CADPS2: variants seen among roughly 807,000 people sequenced by gnomAD.
The protein encoded by CADPS2 is calcium-dependent secretion activator 2.
Under a neutral mutation model 172.5 loss-of-function variants are expected in CADPS2, and 93 were observed. The ratio of observed to expected loss-of-function variants is 0.54; its 90% CI spans 0.46 to 0.64. The LOEUF (loss-of-function observed/expected upper bound fraction) is 0.64, where lower values mean the gene tolerates loss of function less well. Ranked by LOEUF, CADPS2 falls within the 30% of genes least tolerant of loss-of-function variation. The pLI is 0.00. For missense variants in CADPS2, 1,420 were observed against 1,565.9 expected (o/e 0.91, Z 1.57); for synonymous variants, 546 against 555.2 (o/e 0.98, Z 0.23).
intron 28 of CADPS2, 100 bp downstream of exon 28, chr7:122,345,473 CA>C: frequency 1.4e-6 from 1 of 707,016 alleles, no homozygotes; most frequent in Non-Finnish European, 2.4e-6. Context: ...TACAGGATCA[CA>C]AAAAGGAGAC....
At chr7:122,788,526 TTGTTTA>T (rs778411422) in intron 1 of CADPS2, among the ~76,000 whole-genome samples, 18 of 152,206 alleles carry the variant, frequency 1.2e-4, no homozygotes, top group Admixed American at 2.6e-4. Flanking sequence ...AAAAATTGCT[TTGTTTA>T]TATTTCACTT....
At chr7:122,690,205 G>C (rs1212691985) in intron 2 of CADPS2, among the ~76,000 whole-genome samples, 1 of 152,164 alleles carries the variant, frequency 6.6e-6, no homozygotes, top group African/African-American at 2.4e-5. Context: ...ACGTCCCTCA[G>C]GCAAAATTCA....
rs954184423 is a variant in CADPS2, at chr7:122,702,280, G to T, written c.453+34675C>A. The T allele has an allele frequency of 2.5e-6, 4 of 1,613,606 alleles. No homozygotes were observed. In the African/African-American group the frequency reaches 4.0e-5, roughly 16 times the overall value. On this transcript the variant is annotated intron_variant, in intron 2 of 29. Transcript: ENST00000449022. The stretch of plus-strand genomic sequence containing the variant: ...AGTGCAAAATTTCCATGCCTTTCAG[G>T]TTGCTTATCATCACCGCGACTATAT...
At position 122,491,382 on chromosome 7, in the gene CADPS2, T is replaced by C; in HGVS notation, c.1581A>G (p.Glu527=). 26 of 1,611,706 alleles carry C rather than the reference T, an allele frequency of 1.6e-5. No homozygotes were observed. Among genetic ancestry groups the C allele is most frequent in the Non-Finnish European group, 2.2e-5 (26 of 1,178,764 alleles). Residue 527 remains glutamate (E), a synonymous_variant, in exon 10 of 30, where the codon GAA becomes GAG. Coordinates refer to ENST00000449022, the MANE Select transcript of CADPS2 (RefSeq NM_017954.11). ...TTAATTCTTGTGGTTCAGACTTCTT[T>C]TCTCTATAACTGCACATAGCAAAGG... ...QYTFAMCSYR[E]KKSEPQELMQ...
chr7:122,341,362 C>G (rs549963260), intron 28 of CADPS2, among the ~76,000 whole-genome samples: 3 of 152,170 alleles, frequency 2.0e-5, no homozygotes, highest in African/African-American at 4.8e-5. Context: ...TTTCGGTCAT[C>G]ATTGCTAACA....
intron 25 of CADPS2, among the ~76,000 whole-genome samples, chr7:122,378,501 A>G (rs975214943): frequency 3.9e-5 from 6 of 152,112 alleles, no homozygotes; most frequent in African/African-American, 1.4e-4. Flanking sequence ...AACATTTTTC[A>G]TGTTCATGGG....
At chr7:122,447,037 T>A (rs2052334054) in intron 15 of CADPS2, among the ~76,000 whole-genome samples, 2 of 131,460 alleles carry the variant, frequency 1.5e-5, no homozygotes, top group African/African-American at 7.2e-5. Flanking sequence ...CCCTCTTTTT[T>A]TTTTTTTTTT....
rs536333551 is a variant in CADPS2, at chr7:122,630,359, G to A, written c.787-1031C>T. 2.4e-4 allele frequency among the ~76,000 whole-genome samples: 37 copies of A among 151,190 alleles called. No individual in the cohort carries two copies. In the South Asian group the frequency reaches 7.6e-3, roughly 31 times the overall value. On this transcript the variant is annotated intron_variant, in intron 3 of 29. Coordinates refer to ENST00000449022, the MANE Select transcript of CADPS2 (RefSeq NM_017954.11). ...AGATTAACAGGATAGTGGTGGTAAG[G>A]CAATTTATATGAAGAGTCAAAAAAA...
At position 122,484,512 on chromosome 7, in the gene CADPS2, G is replaced by T. The variant is rs191363565; in HGVS notation, c.1853-3652C>A. Among the ~76,000 whole-genome samples, 306 of 152,116 alleles carry T rather than the reference G, an allele frequency of 2.0e-3. 1 individual carries two copies. The highest frequency in any genetic ancestry group is 6.9e-3 in the African/African-American group (288 of 41,478). On this transcript the variant is annotated intron_variant, in intron 11 of 29. Coordinates refer to ENST00000449022, the MANE Select transcript of CADPS2 (RefSeq NM_017954.11). Reference sequence around the variant, plus strand: ...ATATAAAAATTAACTGAAAATGGTTGTAAAATGTAAACGCCAAAATTGTAA... The same window carrying T: ...ATATAAAAATTAACTGAAAATGGTTTTAAAATGTAAACGCCAAAATTGTAA...
intron 2 of CADPS2, among the ~76,000 whole-genome samples, chr7:122,723,555 T>C (rs142994356): frequency 0.15 from 22,167 of 152,024 alleles, 1,699 homozygotes; most frequent in Non-Finnish European, 0.16. Flanking sequence ...TGTGGAGAAA[T>C]AGGAACACTT....
rs546836200 is a variant in CADPS2 at position 122,621,128 on chromosome 7, C to T, written c.1104+353G>A. ...TGTTGCCTAGGCTGGTCTTAAACTT[C>T]TTGGCTTAAGTGATCCTCTCGCCTC... On this transcript the variant is annotated intron_variant, in intron 5 of 29. Coordinates refer to ENST00000449022, the MANE Select transcript of CADPS2 (RefSeq NM_017954.11). 5.9e-4 allele frequency among the ~76,000 whole-genome samples: 90 copies of T among 152,028 alleles called. No homozygotes were observed. In the South Asian group the frequency reaches 8.3e-3, roughly 14 times the overall value.
intron 2 of CADPS2, chr7:122,681,422 T>C (rs2083030372): frequency 1.3e-6 from 2 of 1,541,652 alleles, no homozygotes; most frequent in Non-Finnish European, 1.8e-6. Flanking sequence ...ACAAGGCCAT[T>C]AAGAAATTCG....
intron 18 of CADPS2, among the ~76,000 whole-genome samples, chr7:122,415,020 A>T (rs901541993): frequency 6.6e-6 from 1 of 152,200 alleles, no homozygotes; most frequent in Non-Finnish European, 1.5e-5. Context: ...ATTTTTGTTA[A>T]CAAACTCATG....
chr7:122,688,650 T>C (rs993202479), intron 2 of CADPS2, among the ~76,000 whole-genome samples: 1 of 152,168 alleles, frequency 6.6e-6, no homozygotes, highest in Non-Finnish European at 1.5e-5. Flanking sequence ...TAATTTTCTC[T>C]CTCTGGGCAC....
intron 2 of CADPS2, among the ~76,000 whole-genome samples, chr7:122,719,252 G>A (rs920918336): frequency 2.6e-5 from 4 of 151,982 alleles, no homozygotes; most frequent in Non-Finnish European, 5.9e-5. Context: ...AAAGTGAGGG[G>A]AAGAAGGGGT....
intron 14 of CADPS2, among the ~76,000 whole-genome samples, chr7:122,456,340 G>A (rs1446741240): frequency 2.0e-5 from 3 of 151,902 alleles, no homozygotes; most frequent in African/African-American, 4.8e-5. Context: ...ACTCTATGAC[G>A]ATAATTAAAT....
chr7:122,733,929 A>G (rs569519955), intron 2 of CADPS2, among the ~76,000 whole-genome samples: 4 of 152,228 alleles, frequency 2.6e-5, no homozygotes, highest in South Asian at 4.1e-4. Flanking sequence ...TGACTGAATG[A>G]GACCTTGTCT....
At position 122,345,463 on chromosome 7, in the gene CADPS2, T is replaced by C. The variant is rs1410686061; in HGVS notation, c.3612+111A>G. 14 of 662,144 alleles carry C rather than the reference T, an allele frequency of 2.1e-5. No individual in the cohort carries two copies. The East Asian group carries it at 3.9e-4, about 18-fold the overall frequency. 41.0% of individuals were successfully genotyped at this position (662,144 alleles called of 1,614,324 possible). Reference sequence around the variant, plus strand: ...AGCTTCAACTTTTTAGTATAGAAGATACAGGATCACAAAAAGGAGACTATG... The same window carrying C: ...AGCTTCAACTTTTTAGTATAGAAGACACAGGATCACAAAAAGGAGACTATG... On this transcript the variant is annotated intron_variant, in intron 28 of 29. Coordinates refer to ENST00000449022, the MANE Select transcript of CADPS2 (RefSeq NM_017954.11).
At chr7:122,522,304 G>A (rs546182398) in intron 8 of CADPS2, among the ~76,000 whole-genome samples, 38 of 151,864 alleles carry the variant, frequency 2.5e-4, no homozygotes, top group Middle Eastern at 3.4e-3. Flanking sequence ...TGGTAGAGAC[G>A]GGGTTTCACC....
Sources: allele counts gnomAD v4.1 joint callset (sites outside exome capture counted in the v4.1 genomes callset), GRCh38; gene constraint gnomAD v4.1.1; transcripts MANE v1.5; gene names NCBI Gene and HGNC (gene_info 2026-07-23, HGNC 2026-07-21).